The following NEK5 variants were observed in gnomAD, a reference collection of about 807,000 sequenced individuals.
The protein encoded by NEK5 is serine/threonine-protein kinase Nek5.
A neutral mutation model predicts 109.2 loss-of-function variants in NEK5; 88 were observed. That is an observed-to-expected ratio of 0.81 (90% CI 0.68 to 0.96). NEK5 has a LOEUF of 0.96. Ranked by LOEUF, NEK5 falls within the 40% of genes least tolerant of loss-of-function variation. The pLI, the probability that NEK5 is intolerant of heterozygous loss-of-function variation, is 0.00. For missense variants in NEK5, 834 were observed against 920.7 expected (o/e 0.91, Z 1.22); for synonymous variants, 283 against 299.9 (o/e 0.94, Z 0.58).
At chr13:52,060,910 G>A (rs1256494569) in intron 22 of NEK5, among the ~76,000 whole-genome samples, 1 of 151,972 alleles carries the variant, frequency 6.6e-6, no homozygotes, top group African/African-American at 2.4e-5. Flanking sequence ...TGTCAGCCAG[G>A]CTGGAGAGCA....
intron 17 of NEK5, among the ~76,000 whole-genome samples, chr13:52,079,443 G>T (rs1361253312): frequency 1.3e-5 from 2 of 152,322 alleles, no homozygotes; most frequent in East Asian, 1.9e-4. Context: ...GCGATTGCAG[G>T]GGCGCACCGC....
At chr13:52,062,945 A>G (rs1954625636) in intron 21 of NEK5, among the ~76,000 whole-genome samples, 1 of 152,070 alleles carries the variant, frequency 6.6e-6, no homozygotes, top group South Asian at 2.1e-4. Context: ...ACCCGACAAC[A>G]ATGACAACAG....
At chr13:52,072,659 G>A (rs758628221) in intron 19 of NEK5, among the ~76,000 whole-genome samples, 9 of 152,100 alleles carry the variant, frequency 5.9e-5, no homozygotes, top group Non-Finnish European at 1.2e-4. Flanking sequence ...TCTCACCTCT[G>A]GGGCATTTAG....
At chr13:52,090,208 T>C (rs1465928449) in intron 13 of NEK5, among the ~76,000 whole-genome samples, 1 of 152,252 alleles carries the variant, frequency 6.6e-6, no homozygotes, top group Non-Finnish European at 1.5e-5. Context: ...TCACATTTTA[T>C]GTATCTTTTT....
chr13:52,033,636 A>ATAT lies in NEK5; in HGVS notation c.*3309_*3311dup, dbSNP rs1566717969. 1.2e-5 allele frequency: 2 copies of ATAT among 164,548 alleles called. No individual in the cohort carries two copies. Among genetic ancestry groups the ATAT allele is most frequent in the African/African-American group, 4.8e-5 (2 of 41,458 alleles). The allele number at this position is 164,548 out of a possible 1,614,324, so 10.2% of individuals were successfully genotyped here. A position where few individuals can be genotyped will look rare whatever the true frequency, so the allele number is the denominator to read the frequency against. On this transcript the variant is annotated 3_prime_UTR_variant, in exon 24 of 24. Coordinates refer to ENST00000684899, the MANE Select transcript of NEK5 (RefSeq NM_001365552.1). The stretch of plus-strand genomic sequence containing the variant: ...TCAGGTTTAATAAACTTTTTAATGA[A>ATAT]TATTTCAGACATAACAAAAAACTGC...
intron 3 of NEK5, among the ~76,000 whole-genome samples, chr13:52,120,189 C>A (rs1401367135): frequency 6.6e-6 from 1 of 152,096 alleles, no homozygotes; most frequent in East Asian, 1.9e-4. Context: ...ATTCTCAATT[C>A]TAGCTTCCCT....
chr13:52,063,297 G>C (rs1954630986), intron 21 of NEK5, among the ~76,000 whole-genome samples: 1 of 152,234 alleles, frequency 6.6e-6, no homozygotes, highest in African/African-American at 2.4e-5. Flanking sequence ...CTGGTCTCCA[G>C]CTCCTAACCG....
chr13:52,034,864 T>G lies in NEK5; in HGVS notation c.*2084A>C, dbSNP rs1338956465. 1 of 145,426 alleles carries G rather than the reference T, an allele frequency of 6.9e-6. No homozygotes were observed. 9.0% of individuals were successfully genotyped at this position (145,426 alleles called of 1,614,324 possible). On this transcript the variant is annotated 3_prime_UTR_variant, in exon 24 of 24. Coordinates refer to ENST00000684899, the MANE Select transcript of NEK5 (RefSeq NM_001365552.1). ...ACCTGGCGTGTTCATTTACCATCCT[T>G]AAACATTCTTTTTTTTCTTTTTTTT...
chr13:52,118,247 A>G (rs9535868), intron 4 of NEK5, among the ~76,000 whole-genome samples: 5 of 152,178 alleles, frequency 3.3e-5, no homozygotes, highest in Non-Finnish European at 7.3e-5. Flanking sequence ...CTTCTGCTCC[A>G]TGAACTAATT....
At chr13:52,123,507 T>A (rs1265392432) in intron 3 of NEK5, among the ~76,000 whole-genome samples, 1 of 152,232 alleles carries the variant, frequency 6.6e-6, no homozygotes, top group Non-Finnish European at 1.5e-5. Context: ...TTATAATTCC[T>A]AAGTATATAC....
At chr13:52,127,555 A>G in intron 2 of NEK5, 40 bp downstream of exon 2, 1 of 840,610 alleles carries the variant, frequency 1.2e-6, no homozygotes, top group Non-Finnish European at 2.0e-6. Flanking sequence ...AAAGACTAAC[A>G]AAGTCAGAAA....
chr13:52,076,229 A>C, intron 17 of NEK5, 86 bp from the exon 18 acceptor site: 1 of 740,730 alleles, frequency 1.4e-6, no homozygotes, highest in East Asian at 2.7e-5. Context: ...TGATTTAATA[A>C]CAAAAACAAG....
chr13:52,075,650 T>C, intron 19 of NEK5, 108 bp downstream of exon 19: 1 of 723,992 alleles, frequency 1.4e-6, no homozygotes, highest in African/African-American at 1.8e-5. Context: ...AAAATAAAAG[T>C]TGAAAAAAAT....
intron 17 of NEK5, among the ~76,000 whole-genome samples, chr13:52,080,036 C>CT (rs1954957719): frequency 6.6e-6 from 1 of 151,668 alleles, no homozygotes; most frequent in Admixed American, 6.6e-5. Context: ...ACCGCCCCGT[C>CT]TAAGAAGTGA....
At chr13:52,091,185 G>A (rs948118580) in intron 13 of NEK5, among the ~76,000 whole-genome samples, 3 of 152,208 alleles carry the variant, frequency 2.0e-5, no homozygotes, top group Non-Finnish European at 4.4e-5. Flanking sequence ...TCATGTGAGA[G>A]CTTGGGAGAT....
At chr13:52,040,933 G>T (rs1344212578) in intron 23 of NEK5, among the ~76,000 whole-genome samples, 1 of 152,122 alleles carries the variant, frequency 6.6e-6, no homozygotes, top group African/African-American at 2.4e-5. Context: ...TTCTTCCAGA[G>T]ATTGGGCTAA....
At position 52,093,004 on chromosome 13, in the gene NEK5, A is replaced by G. The variant is rs773987887; in HGVS notation, c.1208+50T>C. The G allele has an allele frequency of 9.9e-6, 12 of 1,215,706 alleles. 1 individual carries two copies. Among genetic ancestry groups the G allele is most frequent in the South Asian group, 7.6e-5 (5 of 65,704 alleles). The allele number at this position is 1,215,706 out of a possible 1,614,324, so 75.3% of individuals were successfully genotyped here. The stretch of plus-strand genomic sequence containing the variant: ...ATTTCAGAATAATAAATGTTAATAT[A>G]TAAAGATATTTTTAGATTAACCAAA... On this transcript the variant is annotated intron_variant, in intron 13 of 23. Coordinates refer to ENST00000684899, the MANE Select transcript of NEK5 (RefSeq NM_001365552.1).
intron 20 of NEK5, among the ~76,000 whole-genome samples, chr13:52,066,423 C>T (rs1954691466): frequency 6.6e-6 from 1 of 151,290 alleles, no homozygotes; most frequent in Admixed American, 6.6e-5. Flanking sequence ...TTTATTACAG[C>T]TTTTTGTTGT....
intron 1 of NEK5, among the ~76,000 whole-genome samples, chr13:52,128,223 T>C (rs1295198807): frequency 1.3e-5 from 2 of 152,190 alleles, no homozygotes; most frequent in South Asian, 2.1e-4. Context: ...TGCAACTACA[T>C]GTAAATCAAG....
Sources: gnomAD v4.1 joint callset for allele counts (sites outside exome capture counted in the v4.1 genomes callset) on GRCh38, gnomAD v4.1.1 for gene constraint, MANE v1.5 for transcripts, NCBI Gene and HGNC (gene_info 2026-07-23, HGNC 2026-07-21) for gene names.